CSMD1: variants seen among roughly 807,000 people sequenced by gnomAD.
CSMD1 encodes the protein CUB and Sushi multiple domains 1, also known as CUB and sushi domain-containing protein 1.
CSMD1 carries 213 observed loss-of-function variants against 417.5 expected under a neutral mutation model. The observed-to-expected ratio is 0.51, with a 90% confidence interval of 0.46 to 0.57. The LOEUF (loss-of-function observed/expected upper bound fraction) is 0.57. Ranked by LOEUF, CSMD1 falls within the 20% of genes least tolerant of loss-of-function variation. The pLI is 0.00. For missense variants in CSMD1, 6,923 were observed against 4,529.7 expected (o/e 1.53, Z -15.17); for synonymous variants, 2,862 against 1,736.8 (o/e 1.65, Z -16.11).
At chr8:4,346,258 GAAT>G (rs963436246) in intron 3 of CSMD1, among the ~76,000 whole-genome samples, 22 of 152,150 alleles carry the variant, frequency 1.4e-4, no homozygotes, top group African/African-American at 3.1e-4. Flanking sequence ...TACATCCAAA[GAAT>G]AATAATATTT....
At chr8:4,855,159 C>T (rs1351740304) in intron 1 of CSMD1, among the ~76,000 whole-genome samples, 1 of 150,844 alleles carries the variant, frequency 6.6e-6, no homozygotes, top group Non-Finnish European at 1.5e-5. Flanking sequence ...GGCACACTGA[C>T]ACCTCACACG....
intron 3 of CSMD1, among the ~76,000 whole-genome samples, chr8:4,085,706 T>C (rs942350713): frequency 4.6e-5 from 7 of 152,150 alleles, no homozygotes; most frequent in Non-Finnish European, 1.0e-4. Flanking sequence ...CCCAAATTGT[T>C]AATAAAACAT....
chr8:4,510,121 G>C (rs960851486), intron 2 of CSMD1, among the ~76,000 whole-genome samples: 1 of 151,766 alleles, frequency 6.6e-6, no homozygotes, highest in Admixed American at 6.6e-5. Flanking sequence ...TTGTATAAAG[G>C]GGAGTTCTCC....
At chr8:4,933,509 G>C (rs1317341235) in intron 1 of CSMD1, among the ~76,000 whole-genome samples, 1 of 152,172 alleles carries the variant, frequency 6.6e-6, no homozygotes, top group Non-Finnish European at 1.5e-5. Context: ...GCCAGCAGTT[G>C]CTCTGTGACT....
chr8:4,583,460 C>G (rs1020213539), intron 2 of CSMD1, among the ~76,000 whole-genome samples: 10 of 151,910 alleles, frequency 6.6e-5, no homozygotes, highest in African/African-American at 9.7e-5. Flanking sequence ...TCTAGCTGCT[C>G]TGATGGGGCC....
At chr8:4,979,809 G>T (rs62489456) in intron 1 of CSMD1, among the ~76,000 whole-genome samples, 13,017 of 152,096 alleles carry the variant, frequency 0.086, 736 homozygotes, top group African/African-American at 0.14. Context: ...AGGCTGAAGC[G>T]GGTGGATCAC....
chr8:3,900,628 A>ACACTAAGTTGGGTG (rs1807683037), intron 5 of CSMD1, among the ~76,000 whole-genome samples: 1 of 151,758 alleles, frequency 6.6e-6, no homozygotes, highest in Non-Finnish European at 1.5e-5. Flanking sequence ...TAAGTTGGGT[A>ACACTAAGTTGGGTG]ACAGTGCAGC....
At chr8:4,661,798 A>G (rs1373109967) in intron 1 of CSMD1, among the ~76,000 whole-genome samples, 1 of 152,200 alleles carries the variant, frequency 6.6e-6, no homozygotes, top group African/African-American at 2.4e-5. Flanking sequence ...TATCCAAAAA[A>G]CGGTTAGCAT....
intron 10 of CSMD1, among the ~76,000 whole-genome samples, chr8:3,499,940 A>C (rs539402738): frequency 3.5e-4 from 53 of 152,240 alleles, no homozygotes; most frequent in African/African-American, 1.3e-3. Flanking sequence ...TCCCCGGAGC[A>C]AAACAGTCAT....
At chr8:4,931,983 T>G (rs932443665) in intron 1 of CSMD1, among the ~76,000 whole-genome samples, 3 of 150,796 alleles carry the variant, frequency 2.0e-5, no homozygotes, top group Non-Finnish European at 4.4e-5. Flanking sequence ...CAGGAAAAAA[T>G]TTAAAACCAC....
chr8:3,246,056 T>C (rs1438280793), intron 26 of CSMD1, among the ~76,000 whole-genome samples: 1 of 152,190 alleles, frequency 6.6e-6, no homozygotes, highest in Non-Finnish European at 1.5e-5. Context: ...CCTTCTTGTC[T>C]ACCCCCAGTG....
chr8:3,306,799 A>G (rs1804889727), intron 25 of CSMD1, among the ~76,000 whole-genome samples: 2 of 151,812 alleles, frequency 1.3e-5, no homozygotes, highest in Non-Finnish European at 2.9e-5. Context: ...GGTTTTGGAG[A>G]CAGATTTCTG....
intron 21 of CSMD1, among the ~76,000 whole-genome samples, chr8:3,358,027 C>G (rs1039239695): frequency 6.6e-6 from 1 of 152,142 alleles, no homozygotes; most frequent in Non-Finnish European, 1.5e-5. Flanking sequence ...TATCCCTAAG[C>G]AACCCCAAAA....
intron 2 of CSMD1, among the ~76,000 whole-genome samples, chr8:4,469,013 A>T (rs572198786): frequency 6.6e-6 from 1 of 152,344 alleles, no homozygotes; most frequent in South Asian, 2.1e-4. Flanking sequence ...AAAAGGAAAA[A>T]AAGTTCAAAA....
chr8:3,085,660 G>A lies in CSMD1; in HGVS notation c.7474+1437C>T, dbSNP rs910845481. ...TAACTTAGCATTAAATAGTTCTGCT[G>A]GGGTGTGGGGAGGCCATGGGAGAAG... On this transcript the variant is annotated intron_variant, in intron 49 of 69. Coordinates refer to ENST00000635120, the MANE Select transcript of CSMD1 (RefSeq NM_033225.6). Among the ~76,000 whole-genome samples the A allele has an allele frequency of 1.5e-4, 23 of 152,268 alleles. No individual in the cohort carries two copies. In the South Asian group the frequency reaches 2.7e-3, roughly 18 times the overall value.
chr8:3,546,039 T>C (rs755069947), intron 10 of CSMD1, among the ~76,000 whole-genome samples: 5 of 152,208 alleles, frequency 3.3e-5, no homozygotes. Context: ...TAAACCAAAA[T>C]GCAGTTTCTC....
At chr8:3,517,245 GA>G (rs1379908121) in intron 10 of CSMD1, among the ~76,000 whole-genome samples, 2 of 152,168 alleles carry the variant, frequency 1.3e-5, no homozygotes, top group African/African-American at 4.8e-5. Flanking sequence ...TGATTAGAGG[GA>G]AAACTTGAAA....
At chr8:4,333,997 C>G (rs1800019206) in intron 3 of CSMD1, among the ~76,000 whole-genome samples, 2 of 152,066 alleles carry the variant, frequency 1.3e-5, no homozygotes. Flanking sequence ...CTCAAGCCAT[C>G]CTCCCGCCTC....
intron 3 of CSMD1, among the ~76,000 whole-genome samples, chr8:4,321,149 T>A (rs1023452847): frequency 6.6e-6 from 1 of 152,046 alleles, no homozygotes; most frequent in African/African-American, 2.4e-5. Context: ...GTCAAACCTA[T>A]TTTTTATCCT....
Sources: allele counts gnomAD v4.1 joint callset (sites outside exome capture counted in the v4.1 genomes callset), GRCh38; gene constraint gnomAD v4.1.1; transcripts MANE v1.5; gene names NCBI Gene and HGNC (gene_info 2026-07-23, HGNC 2026-07-21).